ZC3HAV1L: variants seen among roughly 807,000 people sequenced by gnomAD.
ZC3HAV1L encodes ZC3HAV1 like.
ZC3HAV1L carries 23 observed loss-of-function variants against 28.2 expected under a neutral mutation model. That is an observed-to-expected ratio of 0.82 (90% CI 0.59 to 1.16). The LOEUF (loss-of-function observed/expected upper bound fraction) is 1.16. Among genes scored for constraint, ZC3HAV1L ranks in the 50% most tolerant of loss-of-function variants. ZC3HAV1L has a pLI of 0.00. For missense variants in ZC3HAV1L, 376 were observed against 387.7 expected, an observed-to-expected ratio of 0.97 and a Z score of 0.25; for synonymous variants, 180 against 163.4, an observed-to-expected ratio of 1.10 and a Z score of -0.78.
At chr7:139,035,541 C>T in intron 1 of ZC3HAV1L, 112 bp downstream of exon 1, 5 of 1,322,362 alleles carry the variant, frequency 3.8e-6, no homozygotes, top group Non-Finnish European at 2.9e-6. Flanking sequence ...TCCAGCCCCG[C>T]GTCCCCGGCC....
downstream of ZC3HAV1L, chr7:139,022,456 G>C (rs772467790): frequency 2.5e-6 from 1 of 403,594 alleles, no homozygotes; most frequent in Non-Finnish European, 5.0e-6. Context: ...TGAGGCAAGA[G>C]GATGGCTTGA....
intron 1 of ZC3HAV1L, chr7:139,035,385 G>A: frequency 1.0e-6 from 1 of 985,342 alleles, no homozygotes; most frequent in Non-Finnish European, 1.2e-6. Flanking sequence ...GCCGCGTCGC[G>A]CAGGATCCGG....
chr7:139,028,601 GC>G (rs1563114098), intron 3 of ZC3HAV1L, 100 bp downstream of exon 3: 2 of 1,439,102 alleles, frequency 1.4e-6, no homozygotes, highest in Non-Finnish European at 1.9e-6. Context: ...GAACTGCTTT[GC>G]CCCCAGACTC....
chr7:139,024,430 G>A (rs944085894), downstream of ZC3HAV1L, among the ~76,000 whole-genome samples: 2 of 152,218 alleles, frequency 1.3e-5, no homozygotes, highest in East Asian at 3.9e-4. Context: ...ACCCTACACT[G>A]TTTCCATTAA....
downstream of ZC3HAV1L, among the ~76,000 whole-genome samples, chr7:139,024,884 CA>C (rs1186206574): frequency 1.3e-5 from 2 of 151,980 alleles, no homozygotes; most frequent in East Asian, 1.9e-4. Flanking sequence ...ATAAACAGAA[CA>C]AAAAAATTAA....
Position 139,026,321 on chromosome 7 carries a change from A to C in ZC3HAV1L, c.*223T>G, listed in dbSNP as rs1815351460. On this transcript the variant is annotated 3_prime_UTR_variant, in exon 5 of 5. Coordinates refer to ENST00000275766, the MANE Select transcript of ZC3HAV1L (RefSeq NM_080660.4). ...TGCCACAATATAAATTGATAGAAAA[A>C]CAATGGTGGACCACAGAAGTCAGCA... The C allele has an allele frequency of 3.4e-6, 2 of 580,496 alleles. No homozygotes were observed. The highest frequency in any genetic ancestry group is 5.8e-6 in the Non-Finnish European group (2 of 343,272). The allele number at this position is 580,496 out of a possible 1,614,324, so 36.0% of individuals were successfully genotyped here.
At chr7:139,025,531 G>A (rs114805308), downstream of ZC3HAV1L, among the ~76,000 whole-genome samples, 833 of 151,988 alleles carry the variant, frequency 5.5e-3, 7 homozygotes, top group African/African-American at 0.019. Flanking sequence ...ACTACTGGCT[G>A]AGGATGGACC....
intron 2 of ZC3HAV1L, among the ~76,000 whole-genome samples, chr7:139,033,025 T>C (rs1184275759): frequency 2.0e-5 from 3 of 152,186 alleles, no homozygotes; most frequent in African/African-American, 7.2e-5. Context: ...CCGGCCAACA[T>C]GGTGAAACGC....
At chr7:139,034,972 C>T (rs577025922) in intron 1 of ZC3HAV1L, 6 of 985,446 alleles carry the variant, frequency 6.1e-6, no homozygotes, top group Non-Finnish European at 7.2e-6. Context: ...GCCTTCTCCC[C>T]GGCAACAGCT....
chr7:139,030,185 C>G (rs1815483403), intron 2 of ZC3HAV1L, among the ~76,000 whole-genome samples: 1 of 152,192 alleles, frequency 6.6e-6, no homozygotes, highest in South Asian at 2.1e-4. Context: ...GTGCCTCACA[C>G]CTGTAATCCC....
At chr7:139,025,380 G>A (rs1168260340), downstream of ZC3HAV1L, among the ~76,000 whole-genome samples, 3 of 151,846 alleles carry the variant, frequency 2.0e-5, no homozygotes, top group Non-Finnish European at 2.9e-5. Flanking sequence ...CCCAGGAGGC[G>A]GAGGTTATGG....
intron 2 of ZC3HAV1L, 65 bp from the exon 3 acceptor site, chr7:139,029,025 T>TG: frequency 6.6e-7 from 1 of 1,522,606 alleles, no homozygotes; most frequent in Admixed American, 1.9e-5. Context: ...AGCGGGGAGA[T>TG]GGAGTCTCGC....
chr7:139,028,920 T>C lies in ZC3HAV1L; in HGVS notation c.542A>G (p.Tyr181Cys). 6.2e-7 allele frequency: 1 copy of C among 1,614,178 alleles called. No homozygotes were observed. Among genetic ancestry groups the C allele is most frequent in the Non-Finnish European group, 8.5e-7 (1 of 1,180,018 alleles). The stretch of plus-strand genomic sequence containing the variant: ...GTTGCATTTATCCTTGAGGTTGCAG[T>C]AGCCATACAGGGCTTCCCCTTTGTT... The part of the protein sequence containing the change: ...LYNKGEALYG[Y>C]CNLKDKCNKF... Residue 181 changes from tyrosine (Y) to cysteine (C), a missense_variant, in exon 3 of 5, where the codon TAC (tyrosine) becomes TGC (cysteine). Tyr to Cys is a radical substitution (Grantham distance 194). Coordinates refer to ENST00000275766, the MANE Select transcript of ZC3HAV1L (RefSeq NM_080660.4).
chr7:139,034,851 G>A, intron 1 of ZC3HAV1L, 173 bp from the exon 2 acceptor site: 1 of 985,350 alleles, frequency 1.0e-6, no homozygotes, highest in South Asian at 4.7e-5. Context: ...AAATTGGGTT[G>A]AAGGAACTCC....
At chr7:139,035,617 A>T in intron 1 of ZC3HAV1L, 36 bp downstream of exon 1, 2 of 1,353,230 alleles carry the variant, frequency 1.5e-6, no homozygotes, top group South Asian at 3.6e-5. Context: ...GCCCGCGGCC[A>T]GCGCCCACAG....
chr7:139,033,864 A>T, intron 2 of ZC3HAV1L: 1 of 985,420 alleles, frequency 1.0e-6, no homozygotes, highest in South Asian at 4.7e-5. Context: ...CTTCCTGCCA[A>T]TAACCTGCTT....
chr7:139,036,012 C>A lies in ZC3HAV1L; in HGVS notation c.6G>T (p.Ala2=). 1.3e-6 allele frequency: 2 copies of A among 1,506,254 alleles called. No individual in the cohort carries two copies. Among genetic ancestry groups the A allele is most frequent in the South Asian group, 1.2e-5 (1 of 81,060 alleles). 93.3% of individuals were successfully genotyped at this position (1,506,254 alleles called of 1,614,324 possible). The change falls in exon 1 of 5, where the codon GCG becomes GCT. Residue 2 remains alanine, a synonymous_variant. Transcript: ENST00000275766. The part of the protein sequence containing the change: M[A]EPTVCSFLTK... ...TGAGGAAGGAGCACACTGTGGGCTC[C>A]GCCATGGTCGCTGGCGCGGGCCCTG...
intron 1 of ZC3HAV1L, chr7:139,035,313 C>T (rs957290177): frequency 1.0e-5 from 10 of 985,312 alleles, no homozygotes; most frequent in Non-Finnish European, 1.1e-5. Flanking sequence ...CCACGCCCCC[C>T]ACCTCCCGCC....
chr7:139,027,931 T>G (rs993382262), intron 3 of ZC3HAV1L, among the ~76,000 whole-genome samples: 10 of 152,224 alleles, frequency 6.6e-5, no homozygotes, highest in Non-Finnish European at 1.3e-4. Context: ...CAGTTGCTAT[T>G]TTCCAAATTG....
Sources: allele counts gnomAD v4.1 joint callset (sites outside exome capture counted in the v4.1 genomes callset), GRCh38; gene constraint gnomAD v4.1.1; transcripts MANE v1.5; gene names NCBI Gene and HGNC (gene_info 2026-07-23, HGNC 2026-07-21).